The following COL25A1 variants were observed in gnomAD, a reference collection of about 807,000 sequenced individuals.
COL25A1 encodes the protein collagen alpha-1(XXV) chain.
COL25A1 carries 103 observed loss-of-function variants against 128.4 expected under a neutral mutation model. That is an observed-to-expected ratio of 0.80 (90% confidence interval 0.68 to 0.94). The LOEUF (loss-of-function observed/expected upper bound fraction) is 0.94, where lower values mean the gene tolerates loss of function less well. Among genes scored for constraint, COL25A1 ranks in the 40% least tolerant of loss-of-function variants. COL25A1 has a pLI of 0.00. For synonymous variants in COL25A1, 279 were observed against 277.2 expected (o/e 1.01, Z -0.06); for missense variants, 745 against 840.0 (o/e 0.89, Z 1.40).
chr4:109,079,504 C>T (rs1015067507), intron 3 of COL25A1, among the ~76,000 whole-genome samples: 7 of 152,080 alleles, frequency 4.6e-5, no homozygotes, highest in African/African-American at 1.7e-4. Context: ...AAAAATAACA[C>T]ATCGCCCTTA....
chr4:108,981,953 T>C (rs1182135685), intron 6 of COL25A1, among the ~76,000 whole-genome samples: 3 of 152,146 alleles, frequency 2.0e-5, no homozygotes, highest in Non-Finnish European at 2.9e-5. Flanking sequence ...TGCAGCACTT[T>C]AGGAGGCTGA....
chr4:109,176,317 G>T (rs1304274691), intron 3 of COL25A1, among the ~76,000 whole-genome samples: 1 of 152,148 alleles, frequency 6.6e-6, no homozygotes, highest in South Asian at 2.1e-4. Flanking sequence ...TTGAACCTGG[G>T]AGGTGGAGAT....
At chr4:109,174,414 T>C (rs1578356093) in intron 3 of COL25A1, among the ~76,000 whole-genome samples, 2 of 152,250 alleles carry the variant, frequency 1.3e-5, no homozygotes. Context: ...TATTCCTGAG[T>C]AGCACGTTTC....
At chr4:108,866,858 G>C (rs551114173) in intron 20 of COL25A1, among the ~76,000 whole-genome samples, 1 of 152,332 alleles carries the variant, frequency 6.6e-6, no homozygotes, top group East Asian at 1.9e-4. Context: ...GCATGTTGCT[G>C]TTTTAACAGC....
intron 3 of COL25A1, among the ~76,000 whole-genome samples, chr4:109,232,637 A>G (rs1177905322): frequency 1.3e-5 from 2 of 152,206 alleles, no homozygotes; most frequent in Admixed American, 6.6e-5. Context: ...CTGCAATTAC[A>G]TCCATAGAAT....
intron 3 of COL25A1, among the ~76,000 whole-genome samples, chr4:109,121,255 A>G (rs1272202074): frequency 6.6e-6 from 1 of 152,178 alleles, no homozygotes; most frequent in East Asian, 1.9e-4. Flanking sequence ...TTTAGATAAA[A>G]CCCCAAAGTG....
intron 32 of COL25A1, among the ~76,000 whole-genome samples, chr4:108,830,303 A>C (rs1164215014): frequency 1.3e-5 from 2 of 152,210 alleles, no homozygotes; most frequent in Non-Finnish European, 2.9e-5. Flanking sequence ...TGGAATATTG[A>C]TGCTGTCAAT....
chr4:109,000,755 A>C (rs1433460846), intron 6 of COL25A1, among the ~76,000 whole-genome samples: 3 of 142,850 alleles, frequency 2.1e-5, no homozygotes, highest in East Asian at 2.2e-4. Flanking sequence ...AAAAAAAAAA[A>C]AAAAAAAAAA....
At chr4:109,220,038 T>G (rs1181646902) in intron 3 of COL25A1, among the ~76,000 whole-genome samples, 1 of 152,222 alleles carries the variant, frequency 6.6e-6, no homozygotes, top group Non-Finnish European at 1.5e-5. Context: ...CTGTCATTTA[T>G]AGTCTTACTT....
chr4:109,175,265 CA>C (rs1342604694), intron 3 of COL25A1, among the ~76,000 whole-genome samples: 2 of 152,202 alleles, frequency 1.3e-5, no homozygotes, highest in Non-Finnish European at 1.5e-5. Context: ...TCTAGCATTA[CA>C]AAGCAAATAG....
At chr4:108,868,019 T>G (rs1738150036) in intron 20 of COL25A1, among the ~76,000 whole-genome samples, 1 of 152,154 alleles carries the variant, frequency 6.6e-6, no homozygotes, top group Admixed American at 6.5e-5. Flanking sequence ...TAGATCCTTT[T>G]GGGATGAGGC....
At position 108,936,278 on chromosome 4, in the gene COL25A1, A is replaced by T. The variant is rs182328095; in HGVS notation, c.708+1530T>A. ...AAACAAAAACCATTATAGCACCAAA[A>T]ATTATCTGTATTGGGCACGGTGGCT... On this transcript the variant is annotated intron_variant, in intron 11 of 37. Coordinates refer to ENST00000399132, the MANE Select transcript of COL25A1 (RefSeq NM_198721.4). Among the ~76,000 whole-genome samples, 125 of 152,188 alleles carry T rather than the reference A, an allele frequency of 8.2e-4. 1 individual carries two copies. The highest frequency in any genetic ancestry group is 3.0e-3 in the African/African-American group (125 of 41,520).
intron 3 of COL25A1, among the ~76,000 whole-genome samples, chr4:109,257,659 A>G (rs951695944): frequency 5.3e-5 from 8 of 152,344 alleles, no homozygotes; most frequent in Middle Eastern, 3.4e-3. Flanking sequence ...AGACATTGTT[A>G]TTCCACAAGT....
chr4:108,975,408 A>T (rs749089478), intron 6 of COL25A1, among the ~76,000 whole-genome samples: 1 of 152,248 alleles, frequency 6.6e-6, no homozygotes, highest in African/African-American at 2.4e-5. Flanking sequence ...GTGAGCTGAG[A>T]TTGTGCCACT....
At chr4:109,062,687 A>G (rs1213238850) in intron 3 of COL25A1, among the ~76,000 whole-genome samples, 1 of 152,322 alleles carries the variant, frequency 6.6e-6, no homozygotes, top group Non-Finnish European at 1.5e-5. Flanking sequence ...CTTTGGTACA[A>G]CCTATATTCC....
At chr4:109,039,807 G>A (rs1759711014) in intron 5 of COL25A1, among the ~76,000 whole-genome samples, 1 of 152,128 alleles carries the variant, frequency 6.6e-6, no homozygotes, top group Admixed American at 6.5e-5. Context: ...ATAACTCTAT[G>A]AACTAATTAT....
intron 3 of COL25A1, among the ~76,000 whole-genome samples, chr4:109,131,793 CT>C (rs1047724128): frequency 1.4e-4 from 21 of 152,294 alleles, no homozygotes; most frequent in African/African-American, 4.8e-4. Context: ...GATGGTGCCC[CT>C]GAACAGTGGC....
At chr4:108,945,823 C>T (rs1748669727) in intron 8 of COL25A1, among the ~76,000 whole-genome samples, 4 of 152,062 alleles carry the variant, frequency 2.6e-5, no homozygotes, top group Admixed American at 1.3e-4. Flanking sequence ...CACCACCATG[C>T]CCAGCTATTT....
intron 3 of COL25A1, among the ~76,000 whole-genome samples, chr4:109,195,664 T>G (rs142881792): frequency 6.6e-6 from 1 of 152,214 alleles, no homozygotes; most frequent in Non-Finnish European, 1.5e-5. Flanking sequence ...CTTACTAAAA[T>G]GTACTCTTTC....
Sources: gnomAD v4.1 joint callset for allele counts (sites outside exome capture counted in the v4.1 genomes callset) on GRCh38, gnomAD v4.1.1 for gene constraint, MANE v1.5 for transcripts, NCBI Gene and HGNC (gene_info 2026-07-23, HGNC 2026-07-21) for gene names.